The following PAH variants were observed in gnomAD, a reference collection of about 807,000 sequenced individuals.
The protein encoded by PAH is phenylalanine-4-hydroxylase.
A neutral mutation model predicts 62.0 loss-of-function variants in PAH; 64 were observed. The observed-to-expected ratio is 1.03, with a 90% CI of 0.84 to 1.27. The LOEUF (loss-of-function observed/expected upper bound fraction) is 1.27, where lower values mean the gene tolerates loss of function less well. Among genes scored for constraint, PAH ranks in the 50% most tolerant of loss-of-function variants. The probability of loss-of-function intolerance (pLI) is 0.00; values close to 1 mark genes in which losing one functional copy is unlikely to be tolerated. For missense variants in PAH, 579 were observed against 542.8 expected (o/e 1.07, Z -0.66); for synonymous variants, 195 against 196.2 (o/e 0.99, Z 0.05).
chr12:102,955,789 A>G (rs1879892929), upstream of PAH, among the ~76,000 whole-genome samples: 1 of 152,120 alleles, frequency 6.6e-6, no homozygotes, highest in South Asian at 2.1e-4. Flanking sequence ...GAAAGGCCTG[A>G]GGTGTGAATC....
At chr12:102,846,731 G>T (rs1874860564) in intron 9 of PAH, among the ~76,000 whole-genome samples, 164 bp downstream of exon 9, 1 of 152,194 alleles carries the variant, frequency 6.6e-6, no homozygotes, top group South Asian at 2.1e-4. Flanking sequence ...TTATTAAGGA[G>T]AAATCTATCA....
chr12:102,850,595 G>A (rs574077450), intron 8 of PAH, among the ~76,000 whole-genome samples: 5 of 152,262 alleles, frequency 3.3e-5, no homozygotes, highest in African/African-American at 7.2e-5. Context: ...GCTTTTGACT[G>A]ATCCACTTTT....
intron 1 of PAH, among the ~76,000 whole-genome samples, chr12:102,928,712 A>C (rs1295925764): frequency 6.6e-6 from 1 of 152,116 alleles, no homozygotes; most frequent in Non-Finnish European, 1.5e-5. Flanking sequence ...TAAGACACAG[A>C]CCTGATTGTG....
chr12:102,879,043 A>ACTTC (rs1191730498), intron 3 of PAH, among the ~76,000 whole-genome samples: 1 of 152,094 alleles, frequency 6.6e-6, no homozygotes, highest in Non-Finnish European at 1.5e-5. Flanking sequence ...AAGATGCTGA[A>ACTTC]CTTCCAATCA....
chr12:102,899,171 A>G (rs1877632464), intron 2 of PAH, among the ~76,000 whole-genome samples: 1 of 152,214 alleles, frequency 6.6e-6, no homozygotes, highest in Non-Finnish European at 1.5e-5. Context: ...CCTAAGATGA[A>G]ACTTCAAAAG....
rs144520330 is a variant in PAH, at chr12:102,884,146, C to CTATT, written c.353-6600_353-6597dup. Reference sequence around the variant, plus strand: ...TAAAGTTAATGCCCTTGGGTGCAGCCTATTTGTCTTCTAGGGTAGGATGAG... The same window carrying CTATT: ...TAAAGTTAATGCCCTTGGGTGCAGCCTATTTATTTGTCTTCTAGGGTAGGATGAG... On this transcript the variant is annotated intron_variant, in intron 3 of 12. Coordinates refer to ENST00000553106, the MANE Select transcript of PAH (RefSeq NM_000277.3). Among the ~76,000 whole-genome samples the CTATT allele has an allele frequency of 4.9e-3, 740 of 152,330 alleles. 9 individuals are homozygous for CTATT. The highest frequency in any genetic ancestry group is 0.017 in the African/African-American group (715 of 41,576).
rs1874412429 is a variant in PAH at position 102,837,574 on chromosome 12, T to C, written c.*1601A>G. The C allele has an allele frequency of 6.6e-6, 1 of 152,224 alleles. No homozygotes were observed. The highest frequency in any genetic ancestry group is 2.4e-5 in the African/African-American group (1 of 41,454). 9.4% of individuals were successfully genotyped at this position (152,224 alleles called of 1,614,324 possible). ...ACAATGAAACTTCAGACACATTCAG[T>C]AAATTCCTCTTTCCTCCCAGCTGGC... is the stretch of plus-strand genomic sequence containing the variant. On this transcript the variant is annotated 3_prime_UTR_variant, in exon 13 of 13. Coordinates refer to ENST00000553106, the MANE Select transcript of PAH (RefSeq NM_000277.3).
At chr12:102,842,904 C>T (rs1043513735) in intron 11 of PAH, among the ~76,000 whole-genome samples, 1 of 152,142 alleles carries the variant, frequency 6.6e-6, no homozygotes, top group African/African-American at 2.4e-5. Context: ...TGGTAACATA[C>T]AGTGAGTATT....
chr12:102,933,079 A>G (rs944660331), intron 1 of PAH, among the ~76,000 whole-genome samples: 3 of 152,110 alleles, frequency 2.0e-5, no homozygotes, highest in Non-Finnish European at 2.9e-5. Context: ...TTTTCATTCT[A>G]TATCACTATA....
intron 1 of PAH, among the ~76,000 whole-genome samples, chr12:102,936,902 T>C (rs1310309087): frequency 1.3e-5 from 2 of 152,168 alleles, no homozygotes; most frequent in African/African-American, 4.8e-5. Flanking sequence ...TCATCTTGAA[T>C]TGTAGTTCTC....
At chr12:102,903,396 C>CA (rs1359715485) in intron 2 of PAH, among the ~76,000 whole-genome samples, 13 of 118,624 alleles carry the variant, frequency 1.1e-4, no homozygotes, top group South Asian at 2.5e-4. Context: ...AAAAAACAAA[C>CA]AAAAAAAAAC....
chr12:102,897,451 A>G (rs1440660465), intron 2 of PAH, among the ~76,000 whole-genome samples: 2 of 130,318 alleles, frequency 1.5e-5, no homozygotes, highest in Non-Finnish European at 3.3e-5. Context: ...TCTCATATAT[A>G]TGTGTGTGTG....
intron 3 of PAH, among the ~76,000 whole-genome samples, chr12:102,882,233 A>G (rs776446680): frequency 7.2e-5 from 11 of 152,184 alleles, no homozygotes; most frequent in East Asian, 1.9e-4. Context: ...GCATGGCTCA[A>G]TGAAATCTGG....
intron 12 of PAH, among the ~76,000 whole-genome samples, chr12:102,839,911 G>A (rs553561183): frequency 6.6e-6 from 1 of 152,340 alleles, no homozygotes; most frequent in East Asian, 1.9e-4. Context: ...CAGTGTTGCT[G>A]GAAGAGAGTA....
upstream of PAH, among the ~76,000 whole-genome samples, chr12:102,919,626 C>A (rs532096150): frequency 6.6e-5 from 10 of 152,206 alleles, no homozygotes; most frequent in Admixed American, 4.6e-4. Flanking sequence ...TGGTAATTAG[C>A]TCTCTACTCT....
chr12:102,843,645 C>A lies in PAH; in HGVS notation c.1199+1G>T, dbSNP rs62509015. On this transcript the variant is annotated splice_donor_variant, in intron 11 of 12. Coordinates refer to ENST00000553106, the MANE Select transcript of PAH (RefSeq NM_000277.3). LOFTEE classifies it high-confidence loss of function. ...GTGGCTCACCTTTGTCACCACCTCA[C>A]CTTACTTTCTCCTTGGCATCATTAA... 6.2e-7 allele frequency: 1 copy of A among 1,613,600 alleles called. No individual in the cohort carries two copies. Among genetic ancestry groups the A allele is most frequent in the Non-Finnish European group, 8.5e-7 (1 of 1,179,728 alleles).
chr12:102,887,913 C>A (rs2136692747), intron 3 of PAH, among the ~76,000 whole-genome samples: 1 of 152,282 alleles, frequency 6.6e-6, no homozygotes, highest in Admixed American at 6.5e-5. Flanking sequence ...CATTCCATGT[C>A]CTTTTACTTC....
chr12:102,841,151 G>A (rs1253142029), intron 11 of PAH, among the ~76,000 whole-genome samples: 2 of 152,152 alleles, frequency 1.3e-5, no homozygotes, highest in Non-Finnish European at 2.9e-5. Flanking sequence ...CATACTGTCA[G>A]TAAGTTATGC....
At chr12:102,927,918 G>A (rs1449500571) in intron 1 of PAH, among the ~76,000 whole-genome samples, 3 of 152,180 alleles carry the variant, frequency 2.0e-5, no homozygotes, top group Non-Finnish European at 4.4e-5. Context: ...TTACATGTAT[G>A]TAAGGGAGTA....
Sources: gnomAD v4.1 joint callset for allele counts (sites outside exome capture counted in the v4.1 genomes callset) on GRCh38, gnomAD v4.1.1 for gene constraint, MANE v1.5 for transcripts, NCBI Gene and HGNC (gene_info 2026-07-23, HGNC 2026-07-21) for gene names.